Variants in EGF observed in about 807,000 individuals in gnomAD.
The protein encoded by EGF is epidermal growth factor, also known as pro-epidermal growth factor.
In EGF, 95 loss-of-function variants were observed where a neutral mutation model predicts 143.8. The ratio of observed to expected loss-of-function variants is 0.66; its 90% confidence interval spans 0.56 to 0.78. The LOEUF is 0.78. Among genes scored for constraint, EGF ranks in the 30% least tolerant of loss-of-function variants. The pLI, the probability that EGF is intolerant of heterozygous loss-of-function variation, is 0.00. For missense variants in EGF, 1,320 were observed against 1,470.9 expected (o/e 0.90, Z 1.68); for synonymous variants, 510 against 510.5 (o/e 1.00, Z 0.01).
Position 109,963,284 on chromosome 4 carries a change from G to C in EGF, c.1424G>C (p.Ser475Thr). 6.2e-7 allele frequency: 1 copy of C among 1,613,920 alleles called. No homozygotes were observed. The highest frequency in any genetic ancestry group is 8.5e-7 in the Non-Finnish European group (1 of 1,179,918). The change falls in exon 9 of 24, where the codon AGC becomes ACC. Residue 475 changes from serine (S) to threonine (T), a missense_variant. This residue lies in a region of EGF where 1,186 missense variants were observed against 1,313.7 expected (regional missense o/e 0.90). Transcript: ENST00000265171. ...TATGACCTACAACTGGATGAAAAAA[G>C]CTGTGCAGCTTCAGGTTAGTGCTGT... is the stretch of plus-strand genomic sequence containing the variant. ...PGYDLQLDEKSCAASGPQPFL... is the reference protein window; with the variant it reads ...PGYDLQLDEKTCAASGPQPFL...
intron 1 of EGF, among the ~76,000 whole-genome samples, chr4:109,932,360 C>CATGTATATATATATATATATATAT (rs1739874444): frequency 1.1e-5 from 1 of 87,052 alleles, no homozygotes; most frequent in African/African-American, 4.4e-5. Flanking sequence ...CCCATTTAGT[C>CATGTATATATATATATATATATAT]ATATATATAT....
At chr4:109,937,935 G>A (rs549626083) in intron 1 of EGF, among the ~76,000 whole-genome samples, 1 of 152,110 alleles carries the variant, frequency 6.6e-6, no homozygotes, top group Non-Finnish European at 1.5e-5. Context: ...CTCTCTGGCT[G>A]CCCTTAACAT....
intron 15 of EGF, 72 bp downstream of exon 15, chr4:109,981,047 C>G: frequency 6.3e-7 from 1 of 1,589,088 alleles, no homozygotes; most frequent in Admixed American, 1.7e-5. Flanking sequence ...AATCTTTATG[C>G]TTTTGCTGAT....
chr4:109,994,031 GTT>G (rs369137893), intron 19 of EGF, among the ~76,000 whole-genome samples: 1 of 140,758 alleles, frequency 7.1e-6, no homozygotes, highest in African/African-American at 2.6e-5. Context: ...CTTGGTCTCT[GTT>G]TTTTTTTTTT....
chr4:110,010,388 C>G (rs1270243892), intron 23 of EGF, among the ~76,000 whole-genome samples: 2 of 150,474 alleles, frequency 1.3e-5, no homozygotes, highest in Non-Finnish European at 2.9e-5. Context: ...TTTAAATCAC[C>G]TCAACCAAGA....
At chr4:109,937,694 G>A (rs540699307) in intron 1 of EGF, among the ~76,000 whole-genome samples, 1 of 152,146 alleles carries the variant, frequency 6.6e-6, no homozygotes, top group Non-Finnish European at 1.5e-5. Flanking sequence ...GGGAGCTCTT[G>A]TAAGGCAGGC....
At chr4:109,955,845 C>G (rs555757081) in intron 5 of EGF, among the ~76,000 whole-genome samples, 1 of 152,062 alleles carries the variant, frequency 6.6e-6, no homozygotes, top group South Asian at 2.1e-4. Flanking sequence ...CATGCCTTAT[C>G]CTCAGAAGTT....
At chr4:109,966,080 G>T (rs1746521297) in intron 10 of EGF, among the ~76,000 whole-genome samples, 1 of 151,698 alleles carries the variant, frequency 6.6e-6, no homozygotes. Context: ...AGGTTTAGGG[G>T]TACAAGTACA....
At position 109,927,519 on chromosome 4, in the gene EGF, T is replaced by C. The variant is rs899953978; in HGVS notation, c.128-13427T>C. Among the ~76,000 whole-genome samples, 19 of 151,908 alleles carry C rather than the reference T, an allele frequency of 1.3e-4. 1 individual carries two copies. Among genetic ancestry groups the C allele is most frequent in the Admixed American group, 5.2e-4 (8 of 15,256 alleles). Reference sequence around the variant, plus strand: ...GCAGGCGGATCACGAGGTCAGGAGATTGAGACCATCCTGGCTAACACAGTG... The same window carrying C: ...GCAGGCGGATCACGAGGTCAGGAGACTGAGACCATCCTGGCTAACACAGTG... On this transcript the variant is annotated intron_variant, in intron 1 of 23. Coordinates refer to ENST00000265171, the MANE Select transcript of EGF (RefSeq NM_001963.6).
At chr4:109,964,329 G>A in intron 9 of EGF, 72 bp from the exon 10 acceptor site, 3 of 1,581,908 alleles carry the variant, frequency 1.9e-6, no homozygotes, top group Non-Finnish European at 2.6e-6. Context: ...CAGTGAAAGG[G>A]AAGAGTCAGA....
Position 109,993,321 on chromosome 4 carries a change from A to G in EGF, c.2809A>G (p.Thr937Ala). ...ASCTNTEGGYTCMCAGRLSEP... is the reference protein window; with the variant it reads ...ASCTNTEGGYACMCAGRLSEP... ...CTGCACAAATACAGAGGGAGGCTAT[A>G]CCTGCATGTGTGCTGGACGCCTGTC... Residue 937 changes from threonine (T) to alanine (A), a missense_variant, in exon 19 of 24, where the codon ACC (threonine) becomes GCC (alanine). Physicochemically the swap from Thr to Ala is moderately conservative, Grantham distance 58 (BLOSUM62 0). Around this residue, in one of 5 missense-constraint regions of EGF, gnomAD observed 1,186 missense variants for 1,313.7 expected, o/e 0.90. Coordinates refer to ENST00000265171, the MANE Select transcript of EGF (RefSeq NM_001963.6). 6.2e-7 allele frequency: 1 copy of G among 1,613,814 alleles called. No individual in the cohort carries two copies. Among genetic ancestry groups the G allele is most frequent in the Non-Finnish European group, 8.5e-7 (1 of 1,179,932 alleles).
intron 1 of EGF, among the ~76,000 whole-genome samples, chr4:109,936,985 T>C (rs1224542078): frequency 1.3e-5 from 2 of 152,216 alleles, no homozygotes; most frequent in Non-Finnish European, 2.9e-5. Flanking sequence ...ATAAGTGTGA[T>C]GTGATGCTGA....
Position 109,988,192 on chromosome 4 carries a change from C to CTTT in EGF, c.2608+348_2608+350dup, listed in dbSNP as rs200891546. Reference sequence around the variant, plus strand: ...TTCACCAATTCCAATGAAAACACAACTTTTTTTTTTTTTTTTTTACCCCAG... The same window carrying CTTT: ...TTCACCAATTCCAATGAAAACACAACTTTTTTTTTTTTTTTTTTTTTACCCCAG... On this transcript the variant is annotated intron_variant, in intron 17 of 23. Coordinates refer to ENST00000265171, the MANE Select transcript of EGF (RefSeq NM_001963.6). Among the ~76,000 whole-genome samples, 3,060 of 138,616 alleles carry CTTT rather than the reference C, an allele frequency of 0.022. 119 individuals carry two copies. Among genetic ancestry groups the CTTT allele is most frequent in the African/African-American group, 0.074 (2,806 of 38,162 alleles). The allele number at this position is 138,616 out of a possible 152,430, so 90.9% of individuals were successfully genotyped here. A position where few individuals can be genotyped will look rare whatever the true frequency, so the allele number is the denominator to read the frequency against.
At chr4:109,957,468 T>C (rs1464010397) in intron 5 of EGF, among the ~76,000 whole-genome samples, 3 of 152,270 alleles carry the variant, frequency 2.0e-5, no homozygotes, top group African/African-American at 7.2e-5. Flanking sequence ...ACAGCCAGTG[T>C]AGCATCTGTC....
chr4:109,973,916 C>A (rs1748060142), intron 11 of EGF, among the ~76,000 whole-genome samples: 1 of 152,058 alleles, frequency 6.6e-6, no homozygotes, highest in Non-Finnish European at 1.5e-5. Flanking sequence ...ATTTCAGTAC[C>A]ATTGGCCCTG....
intron 1 of EGF, among the ~76,000 whole-genome samples, chr4:109,926,657 G>C (rs1738726243): frequency 6.6e-6 from 1 of 151,988 alleles, no homozygotes; most frequent in Non-Finnish European, 1.5e-5. Context: ...GCACTCGGCC[G>C]TGACACCGTC....
rs914687877 is a variant in EGF at position 109,999,744 on chromosome 4, A to G, written c.3071A>G (p.His1024Arg). 1.2e-6 allele frequency: 2 copies of G among 1,613,938 alleles called. No individual in the cohort carries two copies. The highest frequency in any genetic ancestry group is 3.3e-5 in the Admixed American group (2 of 59,986). ...YRDLKWWELRHAGHGQQQKVI... is the reference protein window; with the variant it reads ...YRDLKWWELRRAGHGQQQKVI... ...GACCTGAAGTGGTGGGAACTGCGCC[A>G]CGCTGGCCACGGGCAGCAGCAGAAG... The change falls in exon 21 of 24, where the codon CAC becomes CGC. Residue 1024 changes from histidine (H) to arginine (R), a missense_variant. By Grantham distance (29) the His-to-Arg change is conservative. Coordinates refer to ENST00000265171, the MANE Select transcript of EGF (RefSeq NM_001963.6).
chr4:109,990,411 A>G (rs7692976), intron 18 of EGF, among the ~76,000 whole-genome samples: 83,522 of 152,082 alleles, frequency 0.55, 25,440 homozygotes, highest in African/African-American at 0.82. Context: ...AGGAAGTGTC[A>G]TTTTGGAAGG....
Position 109,913,396 on chromosome 4 carries a change from TCAGCACCG to T in EGF, c.68_75del (p.Pro23LeufsTer5). On this transcript the variant is annotated frameshift_variant, in exon 1 of 24. Transcript: ENST00000265171. LOFTEE classifies it high-confidence loss of function. Reference sequence around the variant, plus strand: ...TTCAAAATTTAGTTTTGTTAGTCTCTCAGCACCGCAGCACTGGAGCTGTCCTGAAGGTA... The same window carrying T: ...TTCAAAATTTAGTTTTGTTAGTCTCTCAGCACTGGAGCTGTCCTGAAGGTA... The T allele has an allele frequency of 1.2e-6, 2 of 1,613,970 alleles. No individual in the cohort carries two copies. The highest frequency in any genetic ancestry group is 1.7e-6 in the Non-Finnish European group (2 of 1,179,922).
Sources: allele counts gnomAD v4.1 joint callset (sites outside exome capture counted in the v4.1 genomes callset), GRCh38; gene constraint gnomAD v4.1.1; regional missense constraint gnomAD v4.1.1; transcripts MANE v1.5; gene names NCBI Gene and HGNC (gene_info 2026-07-23, HGNC 2026-07-21).